The following TMEM255A variants were observed in gnomAD, a reference collection of about 807,000 sequenced individuals.
TMEM255A encodes the protein transmembrane protein 255A, also known as family with sequence similarity 70, member A.
A neutral mutation model predicts 23.5 loss-of-function variants in TMEM255A; 14 were observed. That is an observed-to-expected ratio of 0.60 (90% CI 0.39 to 0.93). The LOEUF (loss-of-function observed/expected upper bound fraction) is 0.93, where lower values mean the gene tolerates loss of function less well. Among genes scored for constraint, TMEM255A ranks in the 40% least tolerant of loss-of-function variants. TMEM255A has a pLI of 0.00. For synonymous variants in TMEM255A, 104 were observed against 100.3 expected (o/e 1.04, Z -0.22); for missense variants, 233 against 261.7 (o/e 0.89, Z 0.76).
chrX:120,256,166 A>T (rs2057636800), downstream of TMEM255A: 1 of 123,451 alleles, frequency 8.1e-6, no homozygotes, highest in East Asian at 2.8e-4. Context: ...GTAATGGCAG[A>T]TAGGAGGAGA....
chrX:120,293,482 ATCT>A (rs2057931328), intron 3 of TMEM255A, among the ~76,000 whole-genome samples: 1 of 112,647 alleles, frequency 8.9e-6, no homozygotes, highest in Non-Finnish European at 1.9e-5. Context: ...ATTTTATTTT[ATCT>A]TTTTTTGTGT....
rs782141884 is a variant in TMEM255A at position 120,311,303 on chromosome X, G to A, written c.7C>T (p.Gln3Ter). The A allele has an allele frequency of 1.7e-6, 2 of 1,177,766 alleles. No homozygotes were observed. The highest frequency in any genetic ancestry group is 3.8e-5 in the South Asian group (2 of 53,097). The change falls in exon 1 of 9, where the codon CAG (glutamine) becomes TAG (stop). Residue 3 changes from glutamine (Q) to a stop codon, truncating the protein, a stop_gained. Transcript: ENST00000371369. LOFTEE classifies it high-confidence loss of function. MH[Q>*]SLTQQRSSDM... ...CTGGACCGCTGCTGAGTCAGGGACTGATGCATGGTGAAAACTGCCCGGTTG... is the reference window on the plus strand; with the variant it reads ...CTGGACCGCTGCTGAGTCAGGGACTAATGCATGGTGAAAACTGCCCGGTTG...
chrX:120,287,308 T>TACACACACACACACACACACACACACAC (rs3842485), intron 4 of TMEM255A, 86 bp from the exon 5 acceptor site: 15 of 463,488 alleles, frequency 3.2e-5, no homozygotes, highest in East Asian at 2.5e-4. Context: ...AAGGTTTGAA[T>TACACACACACACACACACACACACACAC]ACACACACAC....
intron 8 of TMEM255A, among the ~76,000 whole-genome samples, chrX:120,264,868 T>C (rs1422645211): frequency 9.4e-6 from 1 of 105,891 alleles, no homozygotes; most frequent in Non-Finnish European, 1.9e-5. Context: ...TTTCCTGCCC[T>C]CTTGACTTTC....
At chrX:120,301,914 C>G in intron 2 of TMEM255A, among the ~76,000 whole-genome samples, 1 of 112,043 alleles carries the variant, frequency 8.9e-6, no homozygotes, top group Non-Finnish European at 1.9e-5. Context: ...GTATTTGTTA[C>G]AACGTGATCT....
intron 1 of TMEM255A, among the ~76,000 whole-genome samples, chrX:120,308,147 G>C (rs2058076156): frequency 9.0e-6 from 1 of 111,465 alleles, no homozygotes; most frequent in Non-Finnish European, 1.9e-5. Context: ...TAAATTCCCA[G>C]GTACCTTACT....
chrX:120,283,883 C>T (rs782683293), intron 6 of TMEM255A, among the ~76,000 whole-genome samples: 1 of 111,124 alleles, frequency 9.0e-6, no homozygotes, highest in Non-Finnish European at 1.9e-5. Context: ...AGTCTGAAGT[C>T]ATTCCTATGG....
intron 8 of TMEM255A, among the ~76,000 whole-genome samples, chrX:120,262,912 C>T (rs1185145265): frequency 8.9e-6 from 1 of 112,066 alleles, no homozygotes; most frequent in Non-Finnish European, 1.9e-5. Flanking sequence ...CTGTGGGCAG[C>T]AGCTGCTGTG....
chrX:120,263,561 T>C (rs1400862470), intron 8 of TMEM255A, among the ~76,000 whole-genome samples: 2 of 111,507 alleles, frequency 1.8e-5, no homozygotes, highest in Admixed American at 1.9e-4. Flanking sequence ...CCAGGAGCCT[T>C]GTGGGACAGT....
At chrX:120,310,168 G>A (rs1000947204) in intron 1 of TMEM255A, 2 of 111,767 alleles carry the variant, frequency 1.8e-5, no homozygotes, top group South Asian at 7.5e-4. Flanking sequence ...AAAGTATGTT[G>A]GAAAGAGAGA....
rs1263483054 is a variant in TMEM255A, at chrX:120,273,650, A to G, written c.675+3235T>C. On this transcript the variant is annotated intron_variant, in intron 7 of 8. Coordinates refer to ENST00000371369, the MANE Select transcript of TMEM255A (RefSeq NM_001104544.3). ...AAGAAGATATACATACAAATTGCAC[A>G]CAAACATATAAAAAGATGCCCAACA... The G allele has an allele frequency of 4.4e-5, 5 of 114,550 alleles. 1 individual carries two copies. The highest frequency in any genetic ancestry group is 3.7e-4 in the Admixed American group (4 of 10,747). The allele number at this position is 114,550 out of a possible 1,213,427, so 9.4% of individuals were successfully genotyped here.
intron 2 of TMEM255A, among the ~76,000 whole-genome samples, chrX:120,298,569 C>T (rs1410761327): frequency 7.2e-5 from 8 of 111,284 alleles, no homozygotes; most frequent in African/African-American, 2.6e-4. Flanking sequence ...TGGGATGCTT[C>T]TCAAGGCTCT....
At position 120,295,429 on chromosome X, in the gene TMEM255A, G is replaced by A. The variant is rs368017087; in HGVS notation, c.202-1378C>T. On this transcript the variant is annotated intron_variant, in intron 2 of 8. Transcript: ENST00000371369. Reference sequence around the variant, plus strand: ...TCTCAGACCCCAAGAATGAGAGAATGAATGGAAGGAATGAATGTAAATCTC... The same window carrying A: ...TCTCAGACCCCAAGAATGAGAGAATAAATGGAAGGAATGAATGTAAATCTC... Among the ~76,000 whole-genome samples, 6 of 110,485 alleles carry A rather than the reference G, an allele frequency of 5.4e-5. No individual in the cohort carries two copies. In the East Asian group the frequency reaches 1.1e-3, roughly 21 times the overall value.
At chrX:120,265,988 C>A (rs868926974) in intron 8 of TMEM255A, among the ~76,000 whole-genome samples, 148 of 68,490 alleles carry the variant, frequency 2.2e-3, no homozygotes, top group Non-Finnish European at 2.4e-3. Context: ...ACAAAAGATA[C>A]AAAAAAAAAA....
At chrX:120,255,523 T>G (rs374847229), downstream of TMEM255A, 1 of 731,765 alleles carries the variant, frequency 1.4e-6, no homozygotes. Context: ...GCGAACAAGT[T>G]AATTTGATCT....
intron 2 of TMEM255A, among the ~76,000 whole-genome samples, chrX:120,299,339 T>G (rs896338094): frequency 9.1e-6 from 1 of 109,906 alleles, no homozygotes; most frequent in Admixed American, 9.6e-5. Context: ...AGACAAAGTT[T>G]TGCTATGTTG....
chrX:120,284,327 C>T (rs2057858070), intron 6 of TMEM255A, among the ~76,000 whole-genome samples: 1 of 112,110 alleles, frequency 8.9e-6, no homozygotes, highest in African/African-American at 3.2e-5. Context: ...GCCAGAGTGG[C>T]TGTAGCAGAA....
chrX:120,271,187 A>C (rs1209589484), intron 7 of TMEM255A, among the ~76,000 whole-genome samples: 1 of 112,268 alleles, frequency 8.9e-6, no homozygotes, highest in Non-Finnish European at 1.9e-5. Context: ...TTTTTAATTA[A>C]ATCAACTAAA....
chrX:120,302,948 AAAC>A (rs1367602995), intron 2 of TMEM255A, among the ~76,000 whole-genome samples: 8 of 111,326 alleles, frequency 7.2e-5, no homozygotes, highest in African/African-American at 2.6e-4. Flanking sequence ...AAATGAAACA[AAAC>A]AACAACAAAA....
Sources: allele counts gnomAD v4.1 joint callset (sites outside exome capture counted in the v4.1 genomes callset), GRCh38; gene constraint gnomAD v4.1.1; transcripts MANE v1.5; gene names NCBI Gene and HGNC (gene_info 2026-07-23, HGNC 2026-07-21).